Variants in MYBL2 observed in about 807,000 individuals in gnomAD.
MYBL2 encodes myb-related protein B.
Under a neutral mutation model 79.9 loss-of-function variants are expected in MYBL2, and 28 were observed. That is an observed-to-expected ratio of 0.35 (90% CI 0.26 to 0.48). The LOEUF (loss-of-function observed/expected upper bound fraction) is 0.48. Ranked by LOEUF, MYBL2 falls within the 20% of genes least tolerant of loss-of-function variation. The probability of loss-of-function intolerance (pLI) is 0.99; values close to 1 mark genes in which losing one functional copy is unlikely to be tolerated. For synonymous variants in MYBL2, 378 were observed against 361.2 expected (o/e 1.05, Z -0.53); for missense variants, 735 against 893.9 (o/e 0.82, Z 2.27).
chr20:43,708,575 A>C (rs1012643988), intron 9 of MYBL2, among the ~76,000 whole-genome samples: 3 of 152,020 alleles, frequency 2.0e-5, no homozygotes, highest in Non-Finnish European at 4.4e-5. Flanking sequence ...TGGGACTACA[A>C]GCACCACCAT....
At chr20:43,713,993 G>A (rs945879780) in intron 12 of MYBL2, among the ~76,000 whole-genome samples, 3 of 152,186 alleles carry the variant, frequency 2.0e-5, no homozygotes, top group African/African-American at 7.2e-5. Flanking sequence ...CTGCCCTCAC[G>A]GTCCTTGCAG....
At chr20:43,679,851 CGG>C (rs3091848) in intron 2 of MYBL2, among the ~76,000 whole-genome samples, 135,236 of 150,518 alleles carry the variant, frequency 0.9, 60,914 homozygotes, top group African/African-American at 0.97. Context: ...GTTGAGGATG[CGG>C]GGTGGGCTGT....
intron 1 of MYBL2, 74 bp from the exon 2 acceptor site, chr20:43,673,732 G>T: frequency 6.8e-7 from 1 of 1,464,962 alleles, no homozygotes; most frequent in South Asian, 1.2e-5. Flanking sequence ...TGGGCTGGCC[G>T]CTGCCTACAC....
chr20:43,715,063 T>C, intron 12 of MYBL2, 71 bp from the exon 13 acceptor site: 2 of 1,575,824 alleles, frequency 1.3e-6, no homozygotes, highest in Admixed American at 1.7e-5. Context: ...TGGGGTGGGA[T>C]TGCGGGTTTT....
chr20:43,709,832 G>A lies in MYBL2; in HGVS notation c.1506-131G>A, dbSNP rs1356232066. The A allele has an allele frequency of 7.2e-6, 5 of 698,448 alleles. No homozygotes were observed. The South Asian group carries it at 8.7e-5, about 12-fold the overall frequency. The allele number at this position is 698,448 out of a possible 1,614,324, so 43.3% of individuals were successfully genotyped here. A position where few individuals can be genotyped will look rare whatever the true frequency, so the allele number is the denominator to read the frequency against. On this transcript the variant is annotated intron_variant, in intron 9 of 13. Coordinates refer to ENST00000217026, the MANE Select transcript of MYBL2 (RefSeq NM_002466.4). ...AGCCCCTGACTTGGACCTGCAGGGT[G>A]GGGAGAGGGATGGGACGAGAACCTG...
chr20:43,715,362 G>C (rs1205504911), intron 13 of MYBL2, 79 bp downstream of exon 13: 1 of 1,589,338 alleles, frequency 6.3e-7, no homozygotes, highest in Admixed American at 1.7e-5. Flanking sequence ...CATCCCTGGG[G>C]GTCCTGCAGT....
chr20:43,682,357 G>A (rs1987164097), intron 3 of MYBL2, among the ~76,000 whole-genome samples: 1 of 152,150 alleles, frequency 6.6e-6, no homozygotes, highest in Non-Finnish European at 1.5e-5. Context: ...AGGGGGTGTG[G>A]CAGGAGCTGC....
intron 4 of MYBL2, among the ~76,000 whole-genome samples, chr20:43,683,593 G>A (rs1277888345): frequency 3.5e-5 from 5 of 142,458 alleles, no homozygotes; most frequent in Admixed American, 7.5e-5. Flanking sequence ...TTGCTTTGTC[G>A]CTCAGGTTAG....
chr20:43,672,855 T>C (rs1986900412), intron 1 of MYBL2, among the ~76,000 whole-genome samples: 1 of 152,228 alleles, frequency 6.6e-6, no homozygotes, highest in South Asian at 2.1e-4. Flanking sequence ...TCAACTTTAT[T>C]CCTTAAAATA....
At position 43,679,888 on chromosome 20, in the gene MYBL2, G is replaced by C. The variant is rs571239830; in HGVS notation, c.115-1896G>C. ...TGTTTGCACCACTGCACTCTAGCTT[G>C]GGTGACCAAGAGAGACCCTATCTCA... On this transcript the variant is annotated intron_variant, in intron 2 of 13. Transcript: ENST00000217026. Among the ~76,000 whole-genome samples, 4 of 146,254 alleles carry C rather than the reference G, an allele frequency of 2.7e-5. No homozygotes were observed. In the East Asian group the frequency reaches 8.1e-4, roughly 30 times the overall value.
Position 43,715,199 on chromosome 20 carries a change from G to A in MYBL2, c.1890G>A (p.Leu630=). Residue 630 remains leucine, a synonymous_variant, in exon 13 of 14, where the codon TTG becomes TTA. Transcript: ENST00000217026. ...CAGGTATCAAAGAAGACAACAGCTT[G>A]CTCAACCAGGGCTTCTTGCAGGCCA... The part of the protein sequence containing the change: ...TLSGIKEDNS[L]LNQGFLQAKP... 6.2e-7 allele frequency: 1 copy of A among 1,614,236 alleles called. No homozygotes were observed. Among genetic ancestry groups the A allele is most frequent in the Middle Eastern group, 1.6e-4 (1 of 6,062 alleles).
chr20:43,688,015 A>AG (rs897470892), intron 5 of MYBL2, among the ~76,000 whole-genome samples: 1 of 150,906 alleles, frequency 6.6e-6, no homozygotes, highest in Non-Finnish European at 1.5e-5. Context: ...GTCTCCAAAA[A>AG]AAAAAAAAAA....
chr20:43,690,165 G>A (rs988503303), intron 5 of MYBL2, among the ~76,000 whole-genome samples: 3 of 151,966 alleles, frequency 2.0e-5, no homozygotes, highest in African/African-American at 7.3e-5. Flanking sequence ...GGGCATCTTC[G>A]GTTGTGCCTT....
At chr20:43,714,396 T>C (rs967235346) in intron 12 of MYBL2, among the ~76,000 whole-genome samples, 2 of 152,212 alleles carry the variant, frequency 1.3e-5, no homozygotes, top group Non-Finnish European at 2.9e-5. Flanking sequence ...GCCAACGTTA[T>C]TGAGTATGTT....
At chr20:43,671,635 G>A (rs1211468187) in intron 1 of MYBL2, among the ~76,000 whole-genome samples, 2 of 151,242 alleles carry the variant, frequency 1.3e-5, no homozygotes, top group African/African-American at 4.9e-5. Context: ...ATCACACCCG[G>A]CTAATTTTGT....
At chr20:43,708,044 C>T (rs420755) in intron 9 of MYBL2, among the ~76,000 whole-genome samples, 1 of 152,032 alleles carries the variant, frequency 6.6e-6, no homozygotes, top group Non-Finnish European at 1.5e-5. Context: ...ATTTACAGAG[C>T]TGCATTTTTT....
At chr20:43,715,599 T>G (rs1158953400) in intron 13 of MYBL2, among the ~76,000 whole-genome samples, 1 of 152,186 alleles carries the variant, frequency 6.6e-6, no homozygotes, top group Non-Finnish European at 1.5e-5. Context: ...TCATTATCCC[T>G]GTATTTGGTT....
intron 4 of MYBL2, among the ~76,000 whole-genome samples, chr20:43,685,758 A>G (rs1484337243): frequency 2.0e-5 from 3 of 151,966 alleles, no homozygotes; most frequent in Non-Finnish European, 4.4e-5. Context: ...CTGTCTCAAA[A>G]AAATGGCGGT....
intron 8 of MYBL2, among the ~76,000 whole-genome samples, chr20:43,703,635 C>G (rs940055563): frequency 6.6e-6 from 1 of 152,050 alleles, no homozygotes. Context: ...CTTGGTGGGC[C>G]TAGGTATAAC....
Sources: allele counts gnomAD v4.1 joint callset (sites outside exome capture counted in the v4.1 genomes callset), GRCh38; gene constraint gnomAD v4.1.1; transcripts MANE v1.5; gene names NCBI Gene and HGNC (gene_info 2026-07-23, HGNC 2026-07-21).